Variants in ADAMTSL1 observed in about 807,000 individuals in gnomAD.
ADAMTSL1 encodes the protein ADAMTS like 1, also known as ADAMTS-like protein 1.
Under a neutral mutation model 201.8 loss-of-function variants are expected in ADAMTSL1, and 126 were observed. The observed-to-expected ratio is 0.62, with a 90% CI of 0.54 to 0.72. The LOEUF (loss-of-function observed/expected upper bound fraction) is 0.72, where lower values mean the gene tolerates loss of function less well. ADAMTSL1 is among the 30% of genes least tolerant of loss of function. The pLI, the probability that ADAMTSL1 is intolerant of heterozygous loss-of-function variation, is 0.00. For synonymous variants in ADAMTSL1, 1,121 were observed against 903.4 expected (o/e 1.24, Z -4.32); for missense variants, 2,679 against 2,277.8 (o/e 1.18, Z -3.59).
chr9:18,504,659 C>T (rs529911200), intron 1 of ADAMTSL1, among the ~76,000 whole-genome samples, 170 bp from the exon 2 acceptor site: 2 of 152,320 alleles, frequency 1.3e-5, no homozygotes, highest in South Asian at 2.1e-4. Flanking sequence ...ATCCCTCCCC[C>T]TGAACATATA....
intron 16 of ADAMTSL1, among the ~76,000 whole-genome samples, chr9:18,761,178 A>G (rs763260355): frequency 4.6e-5 from 7 of 152,246 alleles, no homozygotes; most frequent in Non-Finnish European, 7.3e-5. Context: ...CAAACAAAAC[A>G]TAAACATCAC....
chr9:17,964,976 C>A (rs1817922824), intron 1 of ADAMTSL1, among the ~76,000 whole-genome samples: 1 of 152,042 alleles, frequency 6.6e-6, no homozygotes, highest in Admixed American at 6.6e-5. Context: ...TGGTCTCAAG[C>A]TCCTGGCCTC....
chr9:18,217,938 A>T lies in ADAMTSL1; in HGVS notation c.207+53957A>T, dbSNP rs545549158. Among the ~76,000 whole-genome samples, 152 of 152,128 alleles carry T rather than the reference A, an allele frequency of 1.0e-3. 1 individual carries two copies. The highest frequency in any genetic ancestry group is 3.4e-3 in the African/African-American group (139 of 41,492). ...CTTGGGAGTGGGGGTAAGGGTGTCT[A>T]ATTGCCAACGGCTGGAATTTGAAGT... On this transcript the variant is annotated intron_variant, in intron 2 of 29. Coordinates refer to the ADAMTSL1 transcript ENST00000680146.
At chr9:18,067,483 C>T (rs888127012) in intron 1 of ADAMTSL1, among the ~76,000 whole-genome samples, 3 of 152,290 alleles carry the variant, frequency 2.0e-5, no homozygotes, top group Non-Finnish European at 4.4e-5. Flanking sequence ...CACATTGAAA[C>T]CATAATCATT....
At chr9:18,531,939 C>T (rs1819470075) in intron 2 of ADAMTSL1, among the ~76,000 whole-genome samples, 1 of 152,102 alleles carries the variant, frequency 6.6e-6, no homozygotes, top group South Asian at 2.1e-4. Context: ...CCTTCCTAAG[C>T]TTCGGTTTTG....
intron 13 of ADAMTSL1, chr9:18,706,530 G>T (rs140022906): frequency 3.0e-5 from 16 of 530,388 alleles, no homozygotes; most frequent in African/African-American, 2.7e-4. Context: ...GCAGCTGGGA[G>T]TTCATGTGAC....
chr9:17,959,014 C>G (rs970221626), intron 1 of ADAMTSL1, among the ~76,000 whole-genome samples: 2 of 151,974 alleles, frequency 1.3e-5, no homozygotes, highest in African/African-American at 4.8e-5. Flanking sequence ...TAATATTGTC[C>G]TAAAGTTTTC....
intron 5 of ADAMTSL1, chr9:18,622,656 A>G: frequency 1.8e-6 from 1 of 546,146 alleles, no homozygotes; most frequent in South Asian, 2.7e-5. Context: ...GCTGTCCAAC[A>G]TGAGGACAGA....
chr9:18,496,191 C>G (rs1436696541), intron 1 of ADAMTSL1, among the ~76,000 whole-genome samples: 1 of 152,160 alleles, frequency 6.6e-6, no homozygotes, highest in Non-Finnish European at 1.5e-5. Flanking sequence ...TAAACTAGTA[C>G]TACATAATGG....
chr9:18,814,108 T>C (rs141853399), intron 20 of ADAMTSL1, among the ~76,000 whole-genome samples: 32 of 152,306 alleles, frequency 2.1e-4, no homozygotes, highest in African/African-American at 7.7e-4. Context: ...CTCACTGTGG[T>C]TTTGGTTTGG....
chr9:18,748,721 T>A, intron 15 of ADAMTSL1, among the ~76,000 whole-genome samples: 1 of 152,224 alleles, frequency 6.6e-6, no homozygotes, highest in East Asian at 1.9e-4. Flanking sequence ...TGCATACTAC[T>A]GAACATCTGC....
intron 1 of ADAMTSL1, among the ~76,000 whole-genome samples, chr9:17,955,622 C>T (rs550252287): frequency 9.1e-4 from 138 of 152,244 alleles, no homozygotes; most frequent in Admixed American, 1.8e-3. Context: ...CTTTGTCCTA[C>T]CCAGGACATA....
At chr9:18,879,271 A>C in intron 23 of ADAMTSL1, among the ~76,000 whole-genome samples, 1 of 152,224 alleles carries the variant, frequency 6.6e-6, no homozygotes, top group East Asian at 1.9e-4. Context: ...AAATCATCAA[A>C]TATTCTCACT....
At chr9:17,956,652 A>G (rs1342596268) in intron 1 of ADAMTSL1, among the ~76,000 whole-genome samples, 1 of 152,138 alleles carries the variant, frequency 6.6e-6, no homozygotes, top group Non-Finnish European at 1.5e-5. Flanking sequence ...CCTTCTCTGT[A>G]TGTAGCATTA....
chr9:18,232,600 T>C (rs1029406781), intron 2 of ADAMTSL1, among the ~76,000 whole-genome samples: 2 of 152,208 alleles, frequency 1.3e-5, no homozygotes, highest in Admixed American at 1.3e-4. Context: ...ATTGAATGAA[T>C]AACTGAATGA....
At chr9:18,590,744 A>C (rs1228241445) in intron 4 of ADAMTSL1, among the ~76,000 whole-genome samples, 1 of 152,046 alleles carries the variant, frequency 6.6e-6, no homozygotes, top group Non-Finnish European at 1.5e-5. Context: ...AAGAATTTTT[A>C]AAAATTCCTT....
At chr9:18,065,408 T>A (rs973295970) in intron 1 of ADAMTSL1, among the ~76,000 whole-genome samples, 1 of 152,210 alleles carries the variant, frequency 6.6e-6, no homozygotes, top group African/African-American at 2.4e-5. Flanking sequence ...GTTCAATCAT[T>A]TGCATGCCCT....
At chr9:18,698,245 G>A (rs190503863) in intron 13 of ADAMTSL1, among the ~76,000 whole-genome samples, 454 of 152,190 alleles carry the variant, frequency 3.0e-3, no homozygotes, top group Admixed American at 8.3e-3. Context: ...GAACACATTG[G>A]AAGATAGCAC....
intron 3 of ADAMTSL1, among the ~76,000 whole-genome samples, chr9:18,536,559 T>G (rs1388736583): frequency 6.6e-6 from 1 of 152,186 alleles, no homozygotes; most frequent in Non-Finnish European, 1.5e-5. Context: ...GTTTGCATAG[T>G]TCTCATAGTC....
Sources: gnomAD v4.1 joint callset for allele counts (sites outside exome capture counted in the v4.1 genomes callset) on GRCh38, gnomAD v4.1.1 for gene constraint, MANE v1.5 for transcripts, NCBI Gene and HGNC (gene_info 2026-07-23, HGNC 2026-07-21) for gene names.